The following XNDC1N variants were observed in gnomAD, a reference collection of about 807,000 sequenced individuals.
XNDC1N encodes XRCC1 N-terminal domain containing 1, N-terminal like.
At chr11:71,913,678 A>C in the XNDC1N span, among the ~76,000 whole-genome samples, 5 of 150,936 alleles carry the variant, frequency 3.3e-5, no homozygotes, top group African/African-American at 1.2e-4. Context: ...AAAAAAAAAA[A>C]AAAAAAAAAA....
chr11:71,909,394 C>T, the XNDC1N span, among the ~76,000 whole-genome samples: 4 of 151,980 alleles, frequency 2.6e-5, no homozygotes, highest in Non-Finnish European at 5.9e-5. Context: ...GAGTTTGCAG[C>T]GTAACCAGTG....
the XNDC1N span, among the ~76,000 whole-genome samples, chr11:71,889,760 C>G: frequency 2.0e-5 from 3 of 152,186 alleles, no homozygotes; most frequent in African/African-American, 2.4e-5. Flanking sequence ...GCTTCTGGAG[C>G]AGCCCCCTTT....
At chr11:71,878,445 A>T in the XNDC1N span, 5 of 1,611,658 alleles carry the variant, frequency 3.1e-6, no homozygotes, top group South Asian at 5.5e-5. Flanking sequence ...TGCTTTACCT[A>T]TTCAACCATG....
the XNDC1N span, chr11:71,916,144 C>T: frequency 2.8e-6 from 2 of 702,992 alleles, no homozygotes; most frequent in East Asian, 5.4e-5. Flanking sequence ...CAGAGAAGAA[C>T]ACACCCGTAG....
chr11:71,926,272 A>G, the XNDC1N span, among the ~76,000 whole-genome samples: 2 of 152,142 alleles, frequency 1.3e-5, no homozygotes, highest in African/African-American at 4.8e-5. Context: ...TGTCTCAAAA[A>G]TAAATAAATA....
chr11:71,884,879 C>T, the XNDC1N span, among the ~76,000 whole-genome samples: 1,256 of 150,924 alleles, frequency 8.3e-3, 20 homozygotes, highest in African/African-American at 0.029. Context: ...GCACCACCAG[C>T]GATGCTGGGA....
the XNDC1N span, among the ~76,000 whole-genome samples, chr11:71,920,603 C>T: frequency 3.3e-5 from 5 of 152,144 alleles, no homozygotes; most frequent in Non-Finnish European, 7.3e-5. Flanking sequence ...CCGTGCCCGG[C>T]CAAGATGTTT....
chr11:71,913,665 TAAAAAAAAAAAAA>T, the XNDC1N span, among the ~76,000 whole-genome samples: 1 of 105,346 alleles, frequency 9.5e-6, no homozygotes, highest in Non-Finnish European at 2.0e-5. Flanking sequence ...TCTCAAAAGA[TAAAAAAAAAAAAA>T]AAAAAAAAAA....
chr11:71,868,124 C>T, the XNDC1N span, among the ~76,000 whole-genome samples: 1 of 152,028 alleles, frequency 6.6e-6, no homozygotes, highest in African/African-American at 2.4e-5. Context: ...TTTTTTGTTT[C>T]CCATTTGCTT....
At chr11:71,912,802 T>C in the XNDC1N span, among the ~76,000 whole-genome samples, 1 of 152,088 alleles carries the variant, frequency 6.6e-6, no homozygotes, top group Admixed American at 6.5e-5. Context: ...CTCCCCTAGA[T>C]ATTAGGAAAA....
At chr11:71,903,194 G>A in the XNDC1N span, 8 of 733,274 alleles carry the variant, frequency 1.1e-5, no homozygotes, top group South Asian at 1.1e-4. Context: ...AAACGATACA[G>A]ACCCACAGAG....
At chr11:71,873,257 A>G in the XNDC1N span, among the ~76,000 whole-genome samples, 2 of 152,098 alleles carry the variant, frequency 1.3e-5, no homozygotes, top group Admixed American at 6.5e-5. Flanking sequence ...AAAACCATAA[A>G]TGTCCTTTTT....
At chr11:71,913,520 G>A in the XNDC1N span, among the ~76,000 whole-genome samples, 6 of 152,036 alleles carry the variant, frequency 3.9e-5, no homozygotes, top group Non-Finnish European at 8.8e-5. Flanking sequence ...TTAGCCGGGT[G>A]TGGTGGTGTG....
the XNDC1N span, among the ~76,000 whole-genome samples, chr11:71,925,740 C>T: frequency 1.3e-5 from 2 of 149,032 alleles, no homozygotes; most frequent in African/African-American, 2.5e-5. Context: ...ATTAGCCGGA[C>T]GTGGTGGCGG....
the XNDC1N span, among the ~76,000 whole-genome samples, chr11:71,919,860 G>T: frequency 6.0e-5 from 8 of 132,908 alleles, no homozygotes; most frequent in Non-Finnish European, 1.1e-4. Flanking sequence ...CTCGTGATCC[G>T]CCCGCCTCGG....
At chr11:71,919,095 A>T in the XNDC1N span, 1 of 686,532 alleles carries the variant, frequency 1.5e-6, no homozygotes, top group Non-Finnish European at 2.7e-6. Context: ...CCCATGAATG[A>T]GGGATCGCTA....
At chr11:71,907,430 G>A in the XNDC1N span, among the ~76,000 whole-genome samples, 1 of 149,536 alleles carries the variant, frequency 6.7e-6, no homozygotes, top group African/African-American at 2.4e-5. Context: ...GGGGGGCGAG[G>A]AGCCCCCCAC....
At chr11:71,888,856 C>T in the XNDC1N span, among the ~76,000 whole-genome samples, 4 of 152,310 alleles carry the variant, frequency 2.6e-5, no homozygotes, top group Admixed American at 1.3e-4. Flanking sequence ...TTTGTAACAC[C>T]CTCCACCCCG....
At chr11:71,897,007 T>A in the XNDC1N span, among the ~76,000 whole-genome samples, 1 of 152,314 alleles carries the variant, frequency 6.6e-6, no homozygotes, top group Admixed American at 6.5e-5. Flanking sequence ...GAAATGGTGT[T>A]GGAGAAACTT....
Sources: allele counts gnomAD v4.1 joint callset (sites outside exome capture counted in the v4.1 genomes callset), GRCh38; gene constraint gnomAD v4.1.1; transcripts MANE v1.5; gene names NCBI Gene and HGNC (gene_info 2026-07-23, HGNC 2026-07-21).